Variants in ZFHX3 observed in about 807,000 individuals in gnomAD.
ZFHX3 encodes the protein zinc finger homeobox protein 3.
ZFHX3 carries 42 observed loss-of-function variants against 279.1 expected under a neutral mutation model. That is an observed-to-expected ratio of 0.15 (90% CI 0.12 to 0.19). ZFHX3 has a LOEUF of 0.19. ZFHX3 is among the 10% of genes least tolerant of loss of function. The pLI, the probability that ZFHX3 is intolerant of heterozygous loss-of-function variation, is 1.00. For missense variants in ZFHX3, 4,981 were observed against 4,754.0 expected, an observed-to-expected ratio of 1.05 and a Z score of -1.40; for synonymous variants, 2,293 against 1,957.8, an observed-to-expected ratio of 1.17 and a Z score of -4.52.
intron 5 of ZFHX3, among the ~76,000 whole-genome samples, chr16:73,222,851 G>T (rs1338509509): frequency 2.0e-5 from 3 of 152,094 alleles, no homozygotes; most frequent in Non-Finnish European, 4.4e-5. Context: ...AGACAGTAAA[G>T]TATTGGGTAA....
In ZFHX3 at chr16:72,811,571, C is replaced by T. The variant is rs771005129; in HGVS notation, c.3864+6G>A. On this transcript the variant is annotated splice_donor_region_variant and intron_variant, in intron 7 of 9. Coordinates refer to ENST00000268489, the MANE Select transcript of ZFHX3 (RefSeq NM_006885.4). ...GACCACAGGGTGCTGCTCCTGGCTG[C>T]CTTACCGTCATAATGAGCTTCTCCA... 2 of 1,577,528 alleles carry T rather than the reference C, an allele frequency of 1.3e-6. No homozygotes were observed. The highest frequency in any genetic ancestry group is 2.4e-5 in the South Asian group (2 of 84,720).
chr16:73,589,655 G>A (rs1280882644), intron 2 of ZFHX3, among the ~76,000 whole-genome samples: 5 of 134,488 alleles, frequency 3.7e-5, no homozygotes, highest in Non-Finnish European at 7.7e-5. Context: ...GCATGAATCC[G>A]GGACATGGAG....
chr16:73,128,840 G>C (rs1391271009), intron 7 of ZFHX3, among the ~76,000 whole-genome samples: 2 of 152,166 alleles, frequency 1.3e-5, no homozygotes, highest in African/African-American at 4.8e-5. Context: ...CATTAGAAGA[G>C]ACCATCAGAG....
chr16:72,800,132 G>C lies in ZFHX3; in HGVS notation c.3865-3C>G. On this transcript the variant is annotated splice_polypyrimidine_tract_variant and splice_region_variant and intron_variant, in intron 7 of 9. Coordinates refer to ENST00000268489, the MANE Select transcript of ZFHX3 (RefSeq NM_006885.4). ...ATCACCATCTCAGGGGTGGTCACCTGAGGAGCAAGAGCAAGGAGAGTCAAA... is the reference window on the plus strand; with the variant it reads ...ATCACCATCTCAGGGGTGGTCACCTCAGGAGCAAGAGCAAGGAGAGTCAAA... 1 of 1,612,914 alleles carries C rather than the reference G, an allele frequency of 6.2e-7. No homozygotes were observed. Among genetic ancestry groups the C allele is most frequent in the Non-Finnish European group, 8.5e-7 (1 of 1,178,918 alleles).
At chr16:73,578,192 T>A (rs1040396784) in intron 2 of ZFHX3, among the ~76,000 whole-genome samples, 1 of 152,296 alleles carries the variant, frequency 6.6e-6, no homozygotes, top group Admixed American at 6.5e-5. Context: ...TTGGACTGAG[T>A]TAAACAGGTA....
chr16:73,521,192 C>T (rs547726052), intron 2 of ZFHX3, among the ~76,000 whole-genome samples: 1 of 152,216 alleles, frequency 6.6e-6, no homozygotes, highest in Admixed American at 6.5e-5. Flanking sequence ...TGGTTGGTTA[C>T]CCCTATGTAG....
rs374261615 is a variant in ZFHX3 at position 73,566,919 on chromosome 16, G to A, written c.-1546-110661C>T. 5.9e-5 allele frequency among the ~76,000 whole-genome samples: 9 copies of A among 152,038 alleles called. No homozygotes were observed. The South Asian group carries it at 8.3e-4, about 14-fold the overall frequency. On this transcript the variant is annotated intron_variant, in intron 2 of 17. Transcript: ENST00000641206. ...TCTCCATGTTGGTCAGGCTGTTCTC[G>A]AACTCCCAACCTCAGGTGATCCGCC...
At chr16:73,872,384 C>T (rs935413160) in intron 1 of ZFHX3, among the ~76,000 whole-genome samples, 2 of 151,962 alleles carry the variant, frequency 1.3e-5, no homozygotes, top group African/African-American at 4.8e-5. Context: ...TGCCACCATG[C>T]CCAGTTAACT....
chr16:73,349,641 C>T (rs1442850628), intron 3 of ZFHX3, among the ~76,000 whole-genome samples: 9 of 36,284 alleles, frequency 2.5e-4, no homozygotes, highest in African/African-American at 5.4e-4. Context: ...TCCCTCCCTC[C>T]CTCCCTCTCT....
At chr16:73,735,057 G>A (rs1209656123) in intron 1 of ZFHX3, among the ~76,000 whole-genome samples, 1 of 152,052 alleles carries the variant, frequency 6.6e-6, no homozygotes, top group Non-Finnish European at 1.5e-5. Context: ...GGTGATAAAA[G>A]ACACATCAAA....
At chr16:73,662,474 G>A (rs1031408436) in intron 2 of ZFHX3, among the ~76,000 whole-genome samples, 4 of 109,370 alleles carry the variant, frequency 3.7e-5, no homozygotes, top group Admixed American at 3.4e-4. Context: ...AAACACTTTC[G>A]ATTTTTCTTC....
chr16:72,966,991 C>A (rs1389233241), intron 1 of ZFHX3, among the ~76,000 whole-genome samples: 1 of 152,176 alleles, frequency 6.6e-6, no homozygotes, highest in Admixed American at 6.5e-5. Context: ...AGATTCTTCT[C>A]ATTCCTGGGT....
At chr16:73,759,142 A>G (rs531925377) in intron 1 of ZFHX3, among the ~76,000 whole-genome samples, 196 of 152,380 alleles carry the variant, frequency 1.3e-3, no homozygotes, top group African/African-American at 4.7e-3. Context: ...TAAACAAGAC[A>G]GAAGTCTATT....
Position 73,740,052 on chromosome 16 carries a change from C to T in ZFHX3, c.-1607-59812G>A, listed in dbSNP as rs546571771. 5.3e-5 allele frequency among the ~76,000 whole-genome samples: 8 copies of T among 152,204 alleles called. No homozygotes were observed. In the East Asian group the frequency reaches 7.8e-4, roughly 15 times the overall value. On this transcript the variant is annotated intron_variant, in intron 1 of 17. Coordinates refer to the ZFHX3 transcript ENST00000641206. ...TTCAGGAAGGGCACAAAGTTACTGC[C>T]GGCACCATCAGCACAGCATGCCAGC...
intron 3 of ZFHX3, among the ~76,000 whole-genome samples, chr16:73,409,822 A>G (rs2017431163): frequency 1.3e-5 from 2 of 152,210 alleles, no homozygotes; most frequent in South Asian, 4.1e-4. Flanking sequence ...CATAGATGGA[A>G]CTGAAGGACA....
At chr16:72,886,439 C>A (rs540376137) in intron 4 of ZFHX3, among the ~76,000 whole-genome samples, 4 of 152,166 alleles carry the variant, frequency 2.6e-5, no homozygotes, top group Non-Finnish European at 5.9e-5. Context: ...CTCGAAGGCA[C>A]TGGTGCCGGG....
chr16:73,795,893 G>A (rs1427473389), intron 1 of ZFHX3, among the ~76,000 whole-genome samples: 1 of 152,212 alleles, frequency 6.6e-6, no homozygotes, highest in Non-Finnish European at 1.5e-5. Flanking sequence ...TGCTGCTGGT[G>A]TAGGTTGGAC....
chr16:73,045,154 T>C (rs1427833284), intron 1 of ZFHX3, among the ~76,000 whole-genome samples: 2 of 152,206 alleles, frequency 1.3e-5, no homozygotes, highest in African/African-American at 4.8e-5. Context: ...CTCCTACCCC[T>C]GAAAGATACA....
intron 4 of ZFHX3, among the ~76,000 whole-genome samples, chr16:73,291,286 G>C (rs866781606): frequency 5.3e-5 from 8 of 152,198 alleles, no homozygotes; most frequent in African/African-American, 1.7e-4. Flanking sequence ...TGGCTGCCTA[G>C]GGTACAGCTG....
Sources: gnomAD v4.1 joint callset for allele counts (sites outside exome capture counted in the v4.1 genomes callset) on GRCh38, gnomAD v4.1.1 for gene constraint, MANE v1.5 for transcripts, NCBI Gene and HGNC (gene_info 2026-07-23, HGNC 2026-07-21) for gene names.